SPECC1: variants seen among roughly 807,000 people sequenced by gnomAD.
SPECC1 encodes sperm antigen with calponin homology and coiled-coil domains 1, also known as cytospin-B.
In SPECC1, 62 loss-of-function variants were observed where a neutral mutation model predicts 104.1. That is an observed-to-expected ratio of 0.60 (90% CI 0.49 to 0.74). The LOEUF is 0.74. SPECC1 is among the 30% of genes least tolerant of loss of function. The pLI, the probability that SPECC1 is intolerant of heterozygous loss-of-function variation, is 0.00. For missense variants in SPECC1, 1,306 were observed against 1,310.5 expected (o/e 1.00, Z 0.05); for synonymous variants, 513 against 501.6 (o/e 1.02, Z -0.30).
chr17:20,089,193 A>G (rs1340573890), intron 1 of SPECC1, among the ~76,000 whole-genome samples: 7 of 152,228 alleles, frequency 4.6e-5, no homozygotes. Flanking sequence ...ACTCCTCGAC[A>G]TTCCCTTGTT....
chr17:20,041,986 T>C (rs2045350012), intron 1 of SPECC1, among the ~76,000 whole-genome samples: 1 of 152,240 alleles, frequency 6.6e-6, no homozygotes, highest in African/African-American at 2.4e-5. Context: ...CTGTGCTCTC[T>C]TAGTGCTAGT....
chr17:20,237,269 C>G lies in SPECC1; in HGVS notation c.2351+4864C>G, dbSNP rs77710816. The G allele has an allele frequency of 2.3e-5, 26 of 1,110,366 alleles. No individual in the cohort carries two copies. In the East Asian group the frequency reaches 1.2e-3, roughly 52 times the overall value. The allele number at this position is 1,110,366 out of a possible 1,614,324, so 68.8% of individuals were successfully genotyped here. ...TGCAGAGCTGGGTACAGCGCAGGCC[C>G]GAGTTCTTTTGTTTTTTGTTGTTGT... is the stretch of plus-strand genomic sequence containing the variant. On this transcript the variant is annotated intron_variant, in intron 7 of 14. Transcript: ENST00000395527.
chr17:20,041,302 G>A (rs2045316753), intron 1 of SPECC1, among the ~76,000 whole-genome samples: 1 of 151,166 alleles, frequency 6.6e-6, no homozygotes, highest in Non-Finnish European at 1.5e-5. Flanking sequence ...ATGTGCAATG[G>A]CGGGATCTCG....
intron 12 of SPECC1, among the ~76,000 whole-genome samples, chr17:20,295,083 C>A (rs1009349095): frequency 3.3e-5 from 5 of 151,770 alleles, no homozygotes; most frequent in Non-Finnish European, 5.9e-5. Flanking sequence ...AGGTTTGTTA[C>A]ATAAGTATAC....
intron 7 of SPECC1, among the ~76,000 whole-genome samples, chr17:20,241,361 C>T (rs1166331661): frequency 1.3e-5 from 2 of 152,144 alleles, no homozygotes; most frequent in Non-Finnish European, 2.9e-5. Context: ...CAACCTTGGC[C>T]TTCTCGGATG....
chr17:20,024,099 A>C (rs2044506780), intron 1 of SPECC1, among the ~76,000 whole-genome samples: 2 of 152,346 alleles, frequency 1.3e-5, no homozygotes, highest in Admixed American at 1.3e-4. Context: ...TGTTAGTTTA[A>C]TACAAGGGGA....
intron 4 of SPECC1, among the ~76,000 whole-genome samples, chr17:20,210,016 G>A (rs538110227): frequency 7.2e-4 from 109 of 152,306 alleles, no homozygotes; most frequent in Non-Finnish European, 1.2e-3. Context: ...CCCTTGGCAT[G>A]AATGGTTTGC....
chr17:20,136,722 G>A (rs971553959), intron 3 of SPECC1, among the ~76,000 whole-genome samples: 6 of 152,038 alleles, frequency 3.9e-5, no homozygotes, highest in African/African-American at 4.8e-5. Context: ...CTGCACGTGC[G>A]CATTTTCTCT....
chr17:20,054,026 C>T (rs1431061275), intron 1 of SPECC1, among the ~76,000 whole-genome samples: 1 of 152,200 alleles, frequency 6.6e-6, no homozygotes, highest in Non-Finnish European at 1.5e-5. Flanking sequence ...TTATTTTCAT[C>T]TAGGTATCTG....
intron 3 of SPECC1, among the ~76,000 whole-genome samples, chr17:20,201,768 A>C (rs1317746917): frequency 6.6e-6 from 1 of 152,238 alleles, no homozygotes; most frequent in African/African-American, 2.4e-5. Flanking sequence ...AGTATGATGC[A>C]GGTTAGGTAT....
chr17:20,304,506 A>G (rs936630340), intron 13 of SPECC1, among the ~76,000 whole-genome samples: 2 of 152,202 alleles, frequency 1.3e-5, no homozygotes, highest in South Asian at 2.1e-4. Flanking sequence ...GAAGCCACAC[A>G]CTAGGGCTGA....
intron 7 of SPECC1, chr17:20,239,281 G>A (rs1056195920): frequency 2.2e-5 from 22 of 1,013,144 alleles, no homozygotes; most frequent in Middle Eastern, 4.8e-4. Flanking sequence ...AAATGGAGAC[G>A]TGTGAAGAAA....
intron 14 of SPECC1, among the ~76,000 whole-genome samples, chr17:20,312,175 G>A (rs2041950181): frequency 6.6e-6 from 1 of 152,144 alleles, no homozygotes; most frequent in South Asian, 2.1e-4. Context: ...AAGAGATTGT[G>A]TAGAATTGGT....
intron 5 of SPECC1, among the ~76,000 whole-genome samples, chr17:20,230,313 G>A (rs1161923402): frequency 6.6e-6 from 1 of 152,160 alleles, no homozygotes; most frequent in Non-Finnish European, 1.5e-5. Flanking sequence ...TGACTAGTTG[G>A]TTAGAGTGAC....
At chr17:20,213,348 G>T (rs2037282961) in intron 4 of SPECC1, among the ~76,000 whole-genome samples, 3 of 152,080 alleles carry the variant, frequency 2.0e-5, no homozygotes, top group Non-Finnish European at 4.4e-5. Flanking sequence ...ACACCTCAGT[G>T]CCTCCCAAAG....
intron 3 of SPECC1, among the ~76,000 whole-genome samples, chr17:20,177,225 A>G (rs2034531931): frequency 6.6e-6 from 1 of 152,264 alleles, no homozygotes; most frequent in African/African-American, 2.4e-5. Flanking sequence ...TTGCTAAGAC[A>G]CAGGGTATAT....
Position 20,110,420 on chromosome 17 carries a change from C to G in SPECC1, c.148-7C>G, listed in dbSNP as rs771460104. 2 of 1,607,166 alleles carry G rather than the reference C, an allele frequency of 1.2e-6. No homozygotes were observed. The highest frequency in any genetic ancestry group is 1.1e-5 in the South Asian group (1 of 90,394). ...TCATCCTCTCTCTTTCCTTCCAACT[C>G]TCTCAGCTCAAGAGGGCCAGCAGTG... On this transcript the variant is annotated splice_polypyrimidine_tract_variant and splice_region_variant and intron_variant, in intron 2 of 14. Transcript: ENST00000395527.
At chr17:20,246,197 C>T (rs2039416135) in intron 8 of SPECC1, 126 bp downstream of exon 8, 1 of 1,133,344 alleles carries the variant, frequency 8.8e-7, no homozygotes, top group East Asian at 2.6e-5. Context: ...CTTTCCAGGT[C>T]CTACCACGTG....
intron 1 of SPECC1, among the ~76,000 whole-genome samples, chr17:20,060,040 A>G (rs1417115242): frequency 2.0e-5 from 3 of 152,136 alleles, no homozygotes; most frequent in Non-Finnish European, 1.5e-5. Context: ...TGATAGAGGA[A>G]TTTGCTAACA....
Sources: gnomAD v4.1 joint callset for allele counts (sites outside exome capture counted in the v4.1 genomes callset) on GRCh38, gnomAD v4.1.1 for gene constraint, MANE v1.5 for transcripts, NCBI Gene and HGNC (gene_info 2026-07-23, HGNC 2026-07-21) for gene names.